LRP1B: variants seen among roughly 807,000 people sequenced by gnomAD.
LRP1B encodes low-density lipoprotein receptor-related protein 1B.
In LRP1B, 217 loss-of-function variants were observed where a neutral mutation model predicts 556.6. The observed-to-expected ratio is 0.39, with a 90% confidence interval of 0.35 to 0.44. The LOEUF (loss-of-function observed/expected upper bound fraction) is 0.44, where lower values mean the gene tolerates loss of function less well. LRP1B is among the 20% of genes least tolerant of loss of function. The probability of loss-of-function intolerance (pLI) is 1.00; values close to 1 mark genes in which losing one functional copy is unlikely to be tolerated. For missense variants in LRP1B, 5,053 were observed against 5,620.8 expected (o/e 0.90, Z 3.23); for synonymous variants, 2,047 against 1,865.8 (o/e 1.10, Z -2.50).
At chr2:141,537,299 T>C (rs1685098876) in intron 2 of LRP1B, among the ~76,000 whole-genome samples, 1 of 152,096 alleles carries the variant, frequency 6.6e-6, no homozygotes, top group African/African-American at 2.4e-5. Context: ...ATGGTTTATA[T>C]GAATTTAAAA....
At chr2:140,360,894 T>C (rs1226122848) in intron 72 of LRP1B, among the ~76,000 whole-genome samples, 1 of 151,538 alleles carries the variant, frequency 6.6e-6, no homozygotes, top group Admixed American at 6.6e-5. Flanking sequence ...CTGTTTCCTA[T>C]AATTTACTTC....
At chr2:141,595,373 T>G (rs1337679352) in intron 2 of LRP1B, among the ~76,000 whole-genome samples, 1 of 152,088 alleles carries the variant, frequency 6.6e-6, no homozygotes, top group Non-Finnish European at 1.5e-5. Flanking sequence ...AGATGCTGGT[T>G]TCTAGGCTTG....
chr2:140,307,136 T>C (rs1684101444), intron 83 of LRP1B, among the ~76,000 whole-genome samples: 1 of 151,982 alleles, frequency 6.6e-6, no homozygotes, highest in African/African-American at 2.4e-5. Context: ...ATCAATTTGG[T>C]GCAGTGTTAA....
At chr2:140,510,598 T>TCCTCTGGATCCTAAGCAC (rs1326543426) in intron 51 of LRP1B, among the ~76,000 whole-genome samples, 1 of 152,000 alleles carries the variant, frequency 6.6e-6, no homozygotes, top group Admixed American at 6.6e-5. Context: ...CAACTGGGAG[T>TCCTCTGGATCCTAAGCAC]CCTCTGGATC....
chr2:140,595,813 C>T (rs1682419195), intron 43 of LRP1B, among the ~76,000 whole-genome samples: 1 of 152,068 alleles, frequency 6.6e-6, no homozygotes, highest in Non-Finnish European at 1.5e-5. Flanking sequence ...TGGTAATGTT[C>T]ATGCAATTAG....
intron 66 of LRP1B, among the ~76,000 whole-genome samples, chr2:140,421,395 C>T (rs1408315285): frequency 6.6e-6 from 1 of 152,072 alleles, no homozygotes; most frequent in Non-Finnish European, 1.5e-5. Context: ...ATAATATTGG[C>T]CGGAAGATTT....
intron 43 of LRP1B, among the ~76,000 whole-genome samples, chr2:140,579,364 TC>T (rs35853442): frequency 0.19 from 28,433 of 151,856 alleles, 2,845 homozygotes; most frequent in East Asian, 0.35. Context: ...ACAACTTGTC[TC>T]CCCCATCAGG....
At chr2:141,899,172 TAA>T (rs1314111177) in intron 1 of LRP1B, among the ~76,000 whole-genome samples, 2 of 152,156 alleles carry the variant, frequency 1.3e-5, no homozygotes, top group East Asian at 1.9e-4. Context: ...CTCTGAAATC[TAA>T]AGAGACAAGC....
At chr2:141,334,578 C>T (rs568509663) in intron 3 of LRP1B, among the ~76,000 whole-genome samples, 1 of 152,280 alleles carries the variant, frequency 6.6e-6, no homozygotes, top group South Asian at 2.1e-4. Context: ...ATAGTCCAGA[C>T]TCTTGCTTTG....
At chr2:141,150,914 T>TGTGTGTGTGTGTG (rs1558894867) in intron 7 of LRP1B, among the ~76,000 whole-genome samples, 13 of 150,908 alleles carry the variant, frequency 8.6e-5, no homozygotes, top group East Asian at 1.9e-4. Flanking sequence ...TGTGTGTGTG[T>TGTGTGTGTGTGTG]TTGCCATGCT....
intron 41 of LRP1B, among the ~76,000 whole-genome samples, chr2:140,620,803 C>T (rs536412685): frequency 2.2e-4 from 34 of 152,006 alleles, no homozygotes; most frequent in African/African-American, 7.7e-4. Context: ...TTCCTTATCC[C>T]TTAAAATCAG....
intron 81 of LRP1B, among the ~76,000 whole-genome samples, chr2:140,322,597 CTTT>C (rs927500611): frequency 3.3e-5 from 5 of 151,408 alleles, no homozygotes; most frequent in Admixed American, 2.6e-4. Flanking sequence ...AAAAATACGA[CTTT>C]TTTTTTGAAA....
intron 31 of LRP1B, among the ~76,000 whole-genome samples, chr2:140,824,208 A>G (rs199944535): frequency 1.3e-5 from 2 of 152,138 alleles, no homozygotes; most frequent in African/African-American, 4.8e-5. Context: ...GCTATTAAAT[A>G]TATTTTAAGA....
intron 1 of LRP1B, among the ~76,000 whole-genome samples, chr2:142,056,433 A>G (rs1704673697): frequency 6.6e-6 from 1 of 152,108 alleles, no homozygotes; most frequent in South Asian, 2.1e-4. Flanking sequence ...ACTTATGGAT[A>G]AGACTTTTTA....
rs770270763 is a variant in LRP1B, at chr2:140,485,436, A to G, written c.9332T>C (p.Ile3111Thr). Residue 3111 changes from isoleucine to threonine, a missense_variant, in exon 59 of 91, where the codon ATT becomes ACT. Physicochemically the swap from Ile to Thr is moderately conservative, Grantham distance 89. Coordinates refer to ENST00000389484, the MANE Select transcript of LRP1B (RefSeq NM_018557.3). ...CAAGCCATTGAGTTTGGATACTTCA[A>G]TGATTCTTTTTTCTGTGTCAGACCA... ...LYWSDTEKRI[I>T]EVSKLNGLYP... 6.2e-7 allele frequency: 1 copy of G among 1,613,950 alleles called. No individual in the cohort carries two copies.
chr2:140,264,967 A>ATG (rs1465671077), intron 86 of LRP1B, among the ~76,000 whole-genome samples: 4 of 151,566 alleles, frequency 2.6e-5, no homozygotes, highest in Non-Finnish European at 4.4e-5. Flanking sequence ...CAGTGAGTAT[A>ATG]TGTGTGTGTG....
rs139517489 is a variant in LRP1B at position 141,982,477 on chromosome 2, C to T, written c.82+148171G>A. Among the ~76,000 whole-genome samples the T allele has an allele frequency of 1.7e-3, 265 of 152,102 alleles. 1 individual carries two copies. The highest frequency in any genetic ancestry group is 6.0e-3 in the African/African-American group (250 of 41,504). ...TAGAGTGACTTCAGATGATATAAGCCCTACAGTGCAAATACCACTGCCCAC... is the reference window on the plus strand; with the variant it reads ...TAGAGTGACTTCAGATGATATAAGCTCTACAGTGCAAATACCACTGCCCAC... On this transcript the variant is annotated intron_variant, in intron 1 of 90. Transcript: ENST00000389484.
intron 3 of LRP1B, among the ~76,000 whole-genome samples, chr2:141,413,982 G>A (rs562932532): frequency 1.3e-5 from 2 of 152,168 alleles, no homozygotes; most frequent in African/African-American, 4.8e-5. Flanking sequence ...TGTAATCCCA[G>A]CACTTTGGGA....
intron 37 of LRP1B, among the ~76,000 whole-genome samples, chr2:140,709,495 G>T (rs1235876575): frequency 6.6e-6 from 1 of 151,420 alleles, no homozygotes; most frequent in Non-Finnish European, 1.5e-5. Flanking sequence ...AGGAGGAGGA[G>T]GAGGAACAAG....
Sources: allele counts gnomAD v4.1 joint callset (sites outside exome capture counted in the v4.1 genomes callset), GRCh38; gene constraint gnomAD v4.1.1; transcripts MANE v1.5; gene names NCBI Gene and HGNC (gene_info 2026-07-23, HGNC 2026-07-21).